The following BAG6 variants were observed in gnomAD, a reference collection of about 807,000 sequenced individuals.
BAG6 encodes the protein BAG cochaperone 6.
In BAG6, 22 loss-of-function variants were observed where a neutral mutation model predicts 121.0. The ratio of observed to expected loss-of-function variants is 0.18; its 90% CI spans 0.13 to 0.26. The LOEUF (loss-of-function observed/expected upper bound fraction) is 0.26, where lower values mean the gene tolerates loss of function less well. Ranked by LOEUF, BAG6 falls within the 10% of genes least tolerant of loss-of-function variation. BAG6 has a pLI of 1.00. For missense variants in BAG6, 1,233 were observed against 1,537.7 expected (o/e 0.80, Z 3.31); for synonymous variants, 583 against 584.6 (o/e 1.00, Z 0.04).
chr6:31,651,278 C>T (rs1796383632), intron 2 of BAG6, among the ~76,000 whole-genome samples: 1 of 152,208 alleles, frequency 6.6e-6, no homozygotes, highest in Non-Finnish European at 1.5e-5. Flanking sequence ...GTGGCTCATG[C>T]CTGTAATACC....
rs776978603 is a variant in BAG6 at position 31,641,970 on chromosome 6, C to T, written c.2336-25G>A. 6.2e-7 allele frequency: 1 copy of T among 1,610,830 alleles called. No individual in the cohort carries two copies. Among genetic ancestry groups the T allele is most frequent in the South Asian group, 1.1e-5 (1 of 90,954 alleles). ...CCTGGGGGACAAGGGCAGATGTTAG[C>T]AATGGCCTTTACCACCTGGCCTGCC... On this transcript the variant is annotated intron_variant, in intron 16 of 25. Transcript: ENST00000676615. The surrounding 1 kb of genome is among the most constrained non-coding windows in gnomAD (Gnocchi z 5.7).
At chr6:31,649,466 A>G in intron 3 of BAG6, 44 bp downstream of exon 3, 1 of 1,613,034 alleles carries the variant, frequency 6.2e-7, no homozygotes, top group Non-Finnish European at 8.5e-7. Context: ...TCATCCCTCC[A>G]GACAGTAGCC....
In BAG6 at chr6:31,641,265, G is replaced by A. The variant is rs571201831; in HGVS notation, c.2663-37C>T. The A allele has an allele frequency of 6.2e-7, 1 of 1,613,984 alleles. No individual in the cohort carries two copies. Among genetic ancestry groups the A allele is most frequent in the South Asian group, 1.1e-5 (1 of 91,068 alleles). ...ATACAAGGAGGGAATGCTGGCACGT[G>A]GCAGCCCTGCACATGCAACAGGCCC... is the stretch of plus-strand genomic sequence containing the variant. On this transcript the variant is annotated intron_variant, in intron 19 of 25. Coordinates refer to ENST00000676615, the MANE Select transcript of BAG6 (RefSeq NM_001387994.1). This position sits in a 1 kb window ranked among gnomAD's most constrained non-coding sequence, Gnocchi z 5.7.
In BAG6 at chr6:31,651,740, A is replaced by G; in HGVS notation, c.24T>C (p.Ser8=). The change falls in exon 2 of 26, where the codon AGT becomes AGC. Residue 8 remains serine, a synonymous_variant. Coordinates refer to ENST00000676615, the MANE Select transcript of BAG6 (RefSeq NM_001387994.1). The stretch of plus-strand genomic sequence containing the variant: ...AGCTGTCAGGCTCCTCCACAGCGGT[A>G]CTGGTACTATCATTAGGCTCCATGG... MEPNDST[S]TAVEEPDSLE... 1 of 1,613,032 alleles carries G rather than the reference A, an allele frequency of 6.2e-7. No individual in the cohort carries two copies. The highest frequency in any genetic ancestry group is 2.2e-5 in the East Asian group (1 of 44,876).
In BAG6 at chr6:31,645,077, T is replaced by C. The variant is rs368563229; in HGVS notation, c.1238A>G (p.Asn413Ser). 3.7e-6 allele frequency: 6 copies of C among 1,612,700 alleles called. No homozygotes were observed. In the African/African-American group the frequency reaches 4.0e-5, roughly 11 times the overall value. Reference protein sequence around the residue: ...QASSVAPSSTNVESSAEGAPP... With the variant: ...QASSVAPSSTSVESSAEGAPP... ...AGCCCCCTCAGCTGAGGACTCGACA[T>C]TGGTAGAAGACGGAGCCACGGATGA... The change falls in exon 10 of 26, where the codon AAT (asparagine) becomes AGT (serine). Residue 413 changes from asparagine (N) to serine (S), a missense_variant. By Grantham distance (46) the Asn-to-Ser change is conservative (BLOSUM62 1). This residue lies in a region of BAG6 where 777 missense variants were observed against 861.4 expected (regional missense o/e 0.90). Coordinates refer to ENST00000676615, the MANE Select transcript of BAG6 (RefSeq NM_001387994.1).
Position 31,641,004 on chromosome 6 carries a change from AG to A in BAG6, c.2788-67del. On this transcript the variant is annotated intron_variant, in intron 20 of 25. Transcript: ENST00000676615. The surrounding 1 kb of genome is among the most constrained non-coding windows in gnomAD (Gnocchi z 5.7). ...CCACCTTTAGAAATAGATTAGATCC[AG>A]GTTACAGAATGTCAGTTTAGAAAAG... 1.3e-6 allele frequency: 2 copies of A among 1,598,816 alleles called. No individual in the cohort carries two copies. The highest frequency in any genetic ancestry group is 1.7e-6 in the Non-Finnish European group (2 of 1,172,580).
At position 31,642,212 on chromosome 6, in the gene BAG6, G is replaced by A. The variant is rs776039684; in HGVS notation, c.2235C>T (p.Ser745=). The A allele has an allele frequency of 7.4e-6, 12 of 1,612,814 alleles. No individual in the cohort carries two copies. Among genetic ancestry groups the A allele is most frequent in the South Asian group, 2.2e-5 (2 of 91,072 alleles). The change falls in exon 16 of 26, where the codon TCC becomes TCT. Residue 745 remains serine (S), a synonymous_variant. Coordinates refer to ENST00000676615, the MANE Select transcript of BAG6 (RefSeq NM_001387994.1). The part of the protein sequence containing the change: ...VQGVLSSLLG[S]LGARAGSSES... ...CACTGCTGCCAGCCCGAGCCCCCAG[G>A]GAGCCCAGCAGGGAGCTGAGCACAC...
rs9281540 is a variant in BAG6 at position 31,643,721 on chromosome 6, CAAAAAAA to C, written c.1756+162_1756+168del. ...CTAGCAACAGAGTGAGACTCCATCT[CAAAAAAA>C]AAAAAAAAAAAAAAAAAAGCTGAAA... On this transcript the variant is annotated intron_variant, in intron 14 of 25. Transcript: ENST00000676615. Among the ~76,000 whole-genome samples, 6 of 66,304 alleles carry C rather than the reference CAAAAAAA, an allele frequency of 9.0e-5. No individual in the cohort carries two copies. In the East Asian group the frequency reaches 1.5e-3, roughly 17 times the overall value. The allele number at this position is 66,304 out of a possible 152,430, so 43.5% of individuals were successfully genotyped here.
intron 25 of BAG6, 63 bp from the exon 26 acceptor site, chr6:31,639,289 A>C: frequency 6.6e-7 from 1 of 1,507,860 alleles, no homozygotes; most frequent in Non-Finnish European, 9.2e-7. Context: ...CCCAGCAAGC[A>C]CACAAGGCCA....
At position 31,639,067 on chromosome 6, in the gene BAG6, T is replaced by TA; in HGVS notation, c.*63dup. The TA allele has an allele frequency of 7.2e-7, 1 of 1,395,536 alleles. No individual in the cohort carries two copies. Among genetic ancestry groups the TA allele is most frequent in the Non-Finnish European group, 9.9e-7 (1 of 1,006,430 alleles). 86.4% of individuals were successfully genotyped at this position (1,395,536 alleles called of 1,614,324 possible). A position where few individuals can be genotyped will look rare whatever the true frequency, so the allele number is the denominator to read the frequency against. ...CCAGAAAAATCCGACTTTTATTTCT[T>TA]AAATACTGTGAAGGAAGAGGGGGGA... is the stretch of plus-strand genomic sequence containing the variant. On this transcript the variant is annotated 3_prime_UTR_variant, in exon 26 of 26. Transcript: ENST00000676615.
chr6:31,640,377 A>T lies in BAG6; in HGVS notation c.3138+8T>A, dbSNP rs753361144. 3.1e-6 allele frequency: 5 copies of T among 1,614,154 alleles called. No homozygotes were observed. In the Admixed American group the frequency reaches 6.7e-5, roughly 22 times the overall value. On this transcript the variant is annotated splice_region_variant and intron_variant, in intron 23 of 25. Transcript: ENST00000676615. The surrounding 1 kb of genome is among the most constrained non-coding windows in gnomAD (Gnocchi z 4.2). The stretch of plus-strand genomic sequence containing the variant: ...CCATGACCCACTGGATTACTTCCTG[A>T]CACTTACTGGGGGGACTGCAGCTGC...
At chr6:31,649,115 G>A in intron 4 of BAG6, 84 bp downstream of exon 4, 1 of 1,550,664 alleles carries the variant, frequency 6.4e-7, no homozygotes, top group South Asian at 1.1e-5. Flanking sequence ...ATCTAAAGAT[G>A]GAAGCATCTA....
chr6:31,647,789 G>C lies in BAG6; in HGVS notation c.590C>G (p.Pro197Arg), dbSNP rs1791463138. The stretch of plus-strand genomic sequence containing the variant: ...CGGGGTCACAGCCGGTGGCTGCGGG[G>C]GCGGCTGACTGTGCTGCGGTTGGGG... ...GGPQPQHSQP[P>R]PQPPAVTPEP... is the part of the protein sequence containing the mutation. Residue 197 changes from proline (P) to arginine (R), a missense_variant, in exon 7 of 26, where the codon CCC (proline) becomes CGC (arginine). Physicochemically the swap from Pro to Arg is moderately radical, Grantham distance 103. Around this residue, in one of 7 missense-constraint regions of BAG6, gnomAD observed 777 missense variants for 861.4 expected, o/e 0.90. Transcript: ENST00000676615. The C allele has an allele frequency of 6.3e-7, 1 of 1,580,694 alleles. No individual in the cohort carries two copies. The highest frequency in any genetic ancestry group is 8.6e-7 in the Non-Finnish European group (1 of 1,167,322).
chr6:31,639,099 C>T lies in BAG6; in HGVS notation c.*32G>A. ...TGTGAAGGAAGAGGGGGGAAACGGT[C>T]CCCTGATGAGGAAGGGCCATAGAGC... is the stretch of plus-strand genomic sequence containing the variant. On this transcript the variant is annotated 3_prime_UTR_variant, in exon 26 of 26. Coordinates refer to ENST00000676615, the MANE Select transcript of BAG6 (RefSeq NM_001387994.1). 3 of 1,557,142 alleles carry T rather than the reference C, an allele frequency of 1.9e-6. No individual in the cohort carries two copies. Among genetic ancestry groups the T allele is most frequent in the Non-Finnish European group, 2.6e-6 (3 of 1,137,164 alleles).
Position 31,651,648 on chromosome 6 carries a change from T to C in BAG6, c.108+8A>G. 1 of 1,611,400 alleles carries C rather than the reference T, an allele frequency of 6.2e-7. No homozygotes were observed. The highest frequency in any genetic ancestry group is 8.5e-7 in the Non-Finnish European group (1 of 1,178,562). ...AAGGTGTCTTCCAGAACTAGTGAGG[T>C]GTCTCACCTGGGCCCCCACAATAAA... On this transcript the variant is annotated splice_region_variant and intron_variant, in intron 2 of 25. Transcript: ENST00000676615.
Position 31,644,702 on chromosome 6 carries a change from A to G in BAG6, c.1370-100T>C, listed in dbSNP as rs966401293. 6 of 1,352,066 alleles carry G rather than the reference A, an allele frequency of 4.4e-6. No individual in the cohort carries two copies. In the African/African-American group the frequency reaches 5.8e-5, roughly 13 times the overall value. The allele number at this position is 1,352,066 out of a possible 1,614,324, so 83.8% of individuals were successfully genotyped here. Reference sequence around the variant, plus strand: ...CATACTTCAGGCCCATAATCCCCCAATCAGAAAGCCTGCCTTTCCCTCCAT... The same window carrying G: ...CATACTTCAGGCCCATAATCCCCCAGTCAGAAAGCCTGCCTTTCCCTCCAT... On this transcript the variant is annotated intron_variant, in intron 10 of 25. Transcript: ENST00000676615. This position sits in a 1 kb window ranked among gnomAD's most constrained non-coding sequence, Gnocchi z 4.9.
Position 31,648,926 on chromosome 6 carries a change from T to C in BAG6, c.462A>G (p.Glu154=). 1 of 1,534,226 alleles carries C rather than the reference T, an allele frequency of 6.5e-7. No individual in the cohort carries two copies. The highest frequency in any genetic ancestry group is 8.7e-7 in the Non-Finnish European group (1 of 1,142,938). Residue 154 remains glutamate, a synonymous_variant, in exon 5 of 26, where the codon GAA becomes GAG. Coordinates refer to ENST00000676615, the MANE Select transcript of BAG6 (RefSeq NM_001387994.1). ...GSAVDVHINM[E]QAPIQSEPRV... The stretch of plus-strand genomic sequence containing the variant: ...CCCTCAATACCTGAATCGGGGCCTG[T>C]TCCATGTTGATGTGAACATCCACAG...
intron 8 of BAG6, 103 bp from the exon 9 acceptor site, chr6:31,645,707 A>G: frequency 2.2e-6 from 3 of 1,391,300 alleles, no homozygotes; most frequent in Middle Eastern, 3.7e-4. Context: ...TGTCCTCCAA[A>G]ACTTTCAGTT....
Position 31,646,427 on chromosome 6 carries a change from C to A in BAG6, c.885G>T (p.Leu295=). The A allele has an allele frequency of 2.5e-6, 4 of 1,613,012 alleles. No homozygotes were observed. Among genetic ancestry groups the A allele is most frequent in the Non-Finnish European group, 3.4e-6 (4 of 1,180,018 alleles). The part of the protein sequence containing the change: ...QPFLQRYYEV[L]GAAATTDYNN... ...TGTAGTCCGTGGTGGCAGCAGCACC[C>A]AGAACCTCGTAGTAGCGCTGCAAGA... The change falls in exon 8 of 26, where the codon CTG becomes CTT. Residue 295 remains leucine (L), a synonymous_variant. Transcript: ENST00000676615.
Sources: gnomAD v4.1 joint callset for allele counts (sites outside exome capture counted in the v4.1 genomes callset) on GRCh38, gnomAD v4.1.1 for gene constraint, gnomAD v4.1.1 regional missense constraint, Gnocchi (gnomAD v3.1) non-coding constraint, MANE v1.5 for transcripts, NCBI Gene and HGNC (gene_info 2026-07-23, HGNC 2026-07-21) for gene names.